The following PPARA variants were observed in gnomAD, a reference collection of about 807,000 sequenced individuals.
The protein encoded by PPARA is peroxisome proliferator-activated receptor alpha.
In PPARA, 22 loss-of-function variants were observed where a neutral mutation model predicts 42.2. The ratio of observed to expected loss-of-function variants is 0.52; its 90% confidence interval spans 0.37 to 0.74. The LOEUF is 0.74. PPARA is among the 30% of genes least tolerant of loss of function. PPARA has a pLI of 0.00. For missense variants in PPARA, 465 were observed against 608.2 expected (o/e 0.76, Z 2.48); for synonymous variants, 242 against 239.3 (o/e 1.01, Z -0.10).
At position 46,239,908 on chromosome 22, in the gene PPARA, C is replaced by T. The variant is rs1177875714; in HGVS notation, c.*4528C>T. On this transcript the variant is annotated 3_prime_UTR_variant, in exon 9 of 9. Coordinates refer to ENST00000407236, the MANE Select transcript of PPARA (RefSeq NM_005036.6). Reference sequence around the variant, plus strand: ...CTGCGCACATCTGCTACTTACCAGCCGCATACATGATGGAGGGTTTTTTGG... The same window carrying T: ...CTGCGCACATCTGCTACTTACCAGCTGCATACATGATGGAGGGTTTTTTGG... The T allele has an allele frequency of 3.4e-5, 12 of 351,100 alleles. No individual in the cohort carries two copies. Among genetic ancestry groups the T allele is most frequent in the African/African-American group, 1.0e-4 (5 of 47,662 alleles). The allele number at this position is 351,100 out of a possible 1,614,324, so 21.7% of individuals were successfully genotyped here.
chr22:46,238,495 T>G lies in PPARA; in HGVS notation c.*3115T>G, dbSNP rs1244860500. On this transcript the variant is annotated 3_prime_UTR_variant, in exon 9 of 9. Coordinates refer to ENST00000407236, the MANE Select transcript of PPARA (RefSeq NM_005036.6). The surrounding 1 kb of genome is among the most constrained non-coding windows in gnomAD (Gnocchi z 8.3). Reference sequence around the variant, plus strand: ...GGCACCCGCTCCCTCTGGCAGCGAATGTAGGAAGTCGCCAAATTTACCCAC... The same window carrying G: ...GGCACCCGCTCCCTCTGGCAGCGAAGGTAGGAAGTCGCCAAATTTACCCAC... 2 of 152,246 alleles carry G rather than the reference T, an allele frequency of 1.3e-5. No individual in the cohort carries two copies. Among genetic ancestry groups the G allele is most frequent in the African/African-American group, 2.4e-5 (1 of 41,462 alleles). The allele number at this position is 152,246 out of a possible 1,614,324, so 9.4% of individuals were successfully genotyped here. A position where few individuals can be genotyped will look rare whatever the true frequency, so the allele number is the denominator to read the frequency against.
intron 4 of PPARA, among the ~76,000 whole-genome samples, chr22:46,202,535 G>A (rs771913012): frequency 2.4e-4 from 37 of 151,996 alleles, no homozygotes; most frequent in Non-Finnish European, 5.0e-4. Flanking sequence ...TCAGGAGTTC[G>A]AGACCAACCT....
rs1460111914 is a variant in PPARA, at chr22:46,242,237, G to A, written c.*6857G>A. On this transcript the variant is annotated 3_prime_UTR_variant, in exon 9 of 9. Coordinates refer to ENST00000407236, the MANE Select transcript of PPARA (RefSeq NM_005036.6). This position sits in a 1 kb window ranked among gnomAD's most constrained non-coding sequence, Gnocchi z 6.1. ...GTGGGGGGGCATGCCGCAGCCCTGG[G>A]ACACAGTCGGGCACCTTCCCCGGAC... 1 of 152,534 alleles carries A rather than the reference G, an allele frequency of 6.6e-6. No individual in the cohort carries two copies. Among genetic ancestry groups the A allele is most frequent in the African/African-American group, 2.4e-5 (1 of 41,456 alleles). 9.4% of individuals were successfully genotyped at this position (152,534 alleles called of 1,614,324 possible). A position where few individuals can be genotyped will look rare whatever the true frequency, so the allele number is the denominator to read the frequency against.
chr22:46,225,161 T>G lies in PPARA; in HGVS notation c.711+5147T>G, dbSNP rs1935316447. ...TTTAGCTGAGGGAAGGAGTGAGGGG[T>G]GGATGGAGAATGTCTGTGTCCATCT... On this transcript the variant is annotated intron_variant, in intron 7 of 8. Transcript: ENST00000407236. This position sits in a 1 kb window ranked among gnomAD's most constrained non-coding sequence, Gnocchi z 4.1. Among the ~76,000 whole-genome samples the G allele has an allele frequency of 6.6e-6, 1 of 151,150 alleles. No individual in the cohort carries two copies. The highest frequency in any genetic ancestry group is 6.6e-5 in the Admixed American group (1 of 15,158).
chr22:46,158,396 G>A (rs554425607), intron 2 of PPARA, among the ~76,000 whole-genome samples: 2 of 152,258 alleles, frequency 1.3e-5, no homozygotes, highest in Admixed American at 1.3e-4. Flanking sequence ...AAAAGAGTGA[G>A]GCCCCAAGTT....
In PPARA at chr22:46,221,345, C is replaced by T. The variant is rs987188467; in HGVS notation, c.711+1331C>T. Among the ~76,000 whole-genome samples, 1 of 152,216 alleles carries T rather than the reference C, an allele frequency of 6.6e-6. No individual in the cohort carries two copies. The highest frequency in any genetic ancestry group is 6.5e-5 in the Admixed American group (1 of 15,280). On this transcript the variant is annotated intron_variant, in intron 7 of 8. Transcript: ENST00000407236. The surrounding 1 kb of genome is among the most constrained non-coding windows in gnomAD (Gnocchi z 5.9). ...ATGAGATTTGGGTGGGGACACAGAG[C>T]CAAACCATATCATAAGGCTAGAAAA...
Position 46,231,798 on chromosome 22 carries a change from G to A in PPARA, c.718G>A (p.Val240Ile), listed in dbSNP as rs756189076. The A allele has an allele frequency of 3.7e-6, 6 of 1,612,952 alleles. No individual in the cohort carries two copies. The South Asian group carries it at 6.6e-5, about 18-fold the overall frequency. ...SGKASNNPPFVIHDMETLCMA... is the reference protein window; with the variant it reads ...SGKASNNPPFIIHDMETLCMA... ...TTGGTGTCCTCCTTTGTAGCCTTTTGTCATACATGATATGGAGACACTGTG... is the reference window on the plus strand; with the variant it reads ...TTGGTGTCCTCCTTTGTAGCCTTTTATCATACATGATATGGAGACACTGTG... The change falls in exon 8 of 9, where the codon GTC becomes ATC. Residue 240 changes from valine to isoleucine, a missense_variant. Val to Ile is a conservative substitution (Grantham distance 29). This residue lies in a region of PPARA where 313 missense variants were observed against 469.1 expected (regional missense o/e 0.67). Transcript: ENST00000407236. The surrounding 1 kb of genome is among the most constrained non-coding windows in gnomAD (Gnocchi z 7.7).
chr22:46,182,768 A>G lies in PPARA; in HGVS notation c.-43+5932A>G, dbSNP rs1930144739. Among the ~76,000 whole-genome samples, 1 of 152,168 alleles carries G rather than the reference A, an allele frequency of 6.6e-6. No homozygotes were observed. Among genetic ancestry groups the G allele is most frequent in the Non-Finnish European group, 1.5e-5 (1 of 68,016 alleles). On this transcript the variant is annotated intron_variant, in intron 3 of 8. Transcript: ENST00000407236. The surrounding 1 kb of genome is among the most constrained non-coding windows in gnomAD (Gnocchi z 5.2). ...TTGTTTTTATTTTATTTTTTGAGAC[A>G]GAGTCTCGCTCCATCGTCCAGGCTG...
At chr22:46,175,111 G>T (rs1057273815) in intron 2 of PPARA, among the ~76,000 whole-genome samples, 80 of 152,082 alleles carry the variant, frequency 5.3e-4, no homozygotes, top group Middle Eastern at 3.4e-3. Flanking sequence ...GTTTCACCTT[G>T]TTGGCCAGGC....
Position 46,238,440 on chromosome 22 carries a change from C to T in PPARA, c.*3060C>T, listed in dbSNP as rs904935095. The T allele has an allele frequency of 3.3e-5, 5 of 152,228 alleles. No individual in the cohort carries two copies. The highest frequency in any genetic ancestry group is 1.2e-4 in the African/African-American group (5 of 41,456). 9.4% of individuals were successfully genotyped at this position (152,228 alleles called of 1,614,324 possible). A position where few individuals can be genotyped will look rare whatever the true frequency, so the allele number is the denominator to read the frequency against. ...CAAAAGAACAAAAGAGATGTCAGGACAGATTCCAGGAGTGTCGGAGCACAT... is the reference window on the plus strand; with the variant it reads ...CAAAAGAACAAAAGAGATGTCAGGATAGATTCCAGGAGTGTCGGAGCACAT... On this transcript the variant is annotated 3_prime_UTR_variant, in exon 9 of 9. Transcript: ENST00000407236. The surrounding 1 kb of genome is among the most constrained non-coding windows in gnomAD (Gnocchi z 8.3).
chr22:46,215,441 A>G (rs1934389100), intron 5 of PPARA, 108 bp downstream of exon 5: 1 of 1,474,290 alleles, frequency 6.8e-7, no homozygotes, highest in African/African-American at 1.4e-5. Flanking sequence ...AGTCCCGGAT[A>G]AGAAACTGAC....
At chr22:46,176,946 C>G (rs899714167) in intron 3 of PPARA, 110 bp downstream of exon 3, 1 of 152,316 alleles carries the variant, frequency 6.6e-6, no homozygotes, top group Admixed American at 6.5e-5. Flanking sequence ...CGCAGTGGCT[C>G]ACGCCTGTAA....
chr22:46,202,785 T>G (rs918871832), intron 4 of PPARA, among the ~76,000 whole-genome samples: 1 of 148,568 alleles, frequency 6.7e-6, no homozygotes, highest in Admixed American at 6.7e-5. Flanking sequence ...GTCGCTTGAA[T>G]CCAGGAGGCG....
chr22:46,232,167 A>C lies in PPARA; in HGVS notation c.1087A>C (p.Met363Leu). The C allele has an allele frequency of 6.2e-7, 1 of 1,614,232 alleles. No homozygotes were observed. Among genetic ancestry groups the C allele is most frequent in the Non-Finnish European group, 8.5e-7 (1 of 1,180,038 alleles). Residue 363 changes from methionine to leucine, a missense_variant, in exon 8 of 9, where the codon ATG becomes CTG. Around this residue, in one of 2 missense-constraint regions of PPARA, gnomAD observed 313 missense variants for 469.1 expected, o/e 0.67. Transcript: ENST00000407236. This position sits in a 1 kb window ranked among gnomAD's most constrained non-coding sequence, Gnocchi z 5.3. ...CATGGAACCCAAGTTTGATTTTGCC[A>C]TGAAGTTCAATGCACTGGAACTGGA... ...DIMEPKFDFA[M>L]KFNALELDDS...
At chr22:46,185,958 TATATATACAC>T (rs1930728945) in intron 3 of PPARA, among the ~76,000 whole-genome samples, 1 of 54,110 alleles carries the variant, frequency 1.8e-5, no homozygotes, top group African/African-American at 7.0e-5. Context: ...TATATATATA[TATATATACAC>T]ACACACTAAC....
chr22:46,216,528 A>C lies in PPARA; in HGVS notation c.369+1195A>C, dbSNP rs915319474. ...AGGTGTTCTCATGCTCCTGCCAGGGAAATTGGCCATCAGAGACACAGAGTA... is the reference window on the plus strand; with the variant it reads ...AGGTGTTCTCATGCTCCTGCCAGGGCAATTGGCCATCAGAGACACAGAGTA... On this transcript the variant is annotated intron_variant, in intron 5 of 8. Transcript: ENST00000407236. This position sits in a 1 kb window ranked among gnomAD's most constrained non-coding sequence, Gnocchi z 4.5. 6.6e-6 allele frequency among the ~76,000 whole-genome samples: 1 copy of C among 152,156 alleles called. No individual in the cohort carries two copies. The highest frequency in any genetic ancestry group is 1.9e-4 in the East Asian group (1 of 5,200).
intron 2 of PPARA, among the ~76,000 whole-genome samples, chr22:46,172,950 C>G (rs1455472706): frequency 6.6e-6 from 1 of 152,174 alleles, no homozygotes; most frequent in East Asian, 1.9e-4. Context: ...ATTTCCTGTT[C>G]TGTCTTATTT....
At chr22:46,168,531 G>A (rs193094954) in intron 2 of PPARA, among the ~76,000 whole-genome samples, 26 of 151,718 alleles carry the variant, frequency 1.7e-4, no homozygotes, top group African/African-American at 6.3e-4. Flanking sequence ...CAAAGGACTT[G>A]GATATGGATT....
rs1045734307 is a variant in PPARA, at chr22:46,195,490, T to C, written c.-42-2852T>C. On this transcript the variant is annotated intron_variant, in intron 3 of 8. Transcript: ENST00000407236. The surrounding 1 kb of genome is among the most constrained non-coding windows in gnomAD (Gnocchi z 4.6). Reference sequence around the variant, plus strand: ...TTCTCTTATTTTTCCCTGTGTGCTATTTGATGATTTCCCTGTGAACTTTGA... The same window carrying C: ...TTCTCTTATTTTTCCCTGTGTGCTACTTGATGATTTCCCTGTGAACTTTGA... Among the ~76,000 whole-genome samples, 4 of 152,296 alleles carry C rather than the reference T, an allele frequency of 2.6e-5. No homozygotes were observed. The South Asian group carries it at 6.2e-4, about 24-fold the overall frequency.
Sources: allele counts gnomAD v4.1 joint callset (sites outside exome capture counted in the v4.1 genomes callset), GRCh38; gene constraint gnomAD v4.1.1; regional missense constraint gnomAD v4.1.1; non-coding constraint Gnocchi (gnomAD v3.1); transcripts MANE v1.5; gene names NCBI Gene and HGNC (gene_info 2026-07-23, HGNC 2026-07-21).